EEIG1: variants seen among roughly 807,000 people sequenced by gnomAD.
EEIG1 encodes the protein early estrogen-induced gene 1 protein.
the EEIG1 span, among the ~76,000 whole-genome samples, chr9:127,965,704 CGA>C: frequency 6.6e-6 from 1 of 152,206 alleles, no homozygotes. Flanking sequence ...GGCCAGAGAG[CGA>C]GAGTCTAATA....
chr9:127,968,106 G>T, the EEIG1 span, among the ~76,000 whole-genome samples: 1 of 150,482 alleles, frequency 6.6e-6, no homozygotes, highest in Non-Finnish European at 1.5e-5. Flanking sequence ...GGCTTCCTTA[G>T]ATCTTAAACC....
At chr9:127,964,538 A>G in the EEIG1 span, among the ~76,000 whole-genome samples, 3 of 152,346 alleles carry the variant, frequency 2.0e-5, no homozygotes, top group South Asian at 2.1e-4. Flanking sequence ...TCAGAGTTGG[A>G]GCAAAAGTGC....
the EEIG1 span, chr9:127,942,036 G>C: frequency 6.6e-6 from 1 of 152,668 alleles, no homozygotes; most frequent in African/African-American, 2.4e-5. Flanking sequence ...GCTTTAGTAG[G>C]GGGCAGGGCC....
chr9:127,945,731 C>T, the EEIG1 span: 46 of 1,575,694 alleles, frequency 2.9e-5, no homozygotes, highest in Non-Finnish European at 3.7e-5. The surrounding 1 kb of genome is among the most constrained non-coding windows in gnomAD (Gnocchi z 6.5). Flanking sequence ...TGGACAGGTT[C>T]TGGTCGGGTT....
the EEIG1 span, among the ~76,000 whole-genome samples, chr9:127,960,455 G>A: frequency 2.0e-5 from 3 of 152,192 alleles, no homozygotes; most frequent in African/African-American, 4.8e-5. Context: ...GGCAGAGGCT[G>A]AGAACAGCCA....
chr9:127,966,343 C>T, the EEIG1 span, among the ~76,000 whole-genome samples: 6 of 151,774 alleles, frequency 4.0e-5, no homozygotes, highest in African/African-American at 1.2e-4. Context: ...CATGGTGGTG[C>T]GTACCTGTAA....
the EEIG1 span, among the ~76,000 whole-genome samples, chr9:127,954,986 C>T: frequency 3.3e-5 from 5 of 152,196 alleles, no homozygotes; most frequent in South Asian, 2.1e-4. Flanking sequence ...GGGGTGGCAG[C>T]GGCACGTGGC....
chr9:127,968,828 C>T, the EEIG1 span, among the ~76,000 whole-genome samples: 1 of 152,220 alleles, frequency 6.6e-6, no homozygotes, highest in African/African-American at 2.4e-5. Flanking sequence ...ATTCCAACCA[C>T]CATGGGCTAA....
At chr9:127,978,219 G>A in the EEIG1 span, among the ~76,000 whole-genome samples, 14 of 152,314 alleles carry the variant, frequency 9.2e-5, no homozygotes, top group South Asian at 2.9e-3. Flanking sequence ...GCCTGGCTGT[G>A]CAGTTCCCCT....
chr9:127,965,975 G>A, the EEIG1 span, among the ~76,000 whole-genome samples: 2 of 152,176 alleles, frequency 1.3e-5, no homozygotes, highest in African/African-American at 4.8e-5. Context: ...GCCAACACTG[G>A]AGCACTCAGA....
At chr9:127,942,967 G>A in the EEIG1 span, 6 of 589,632 alleles carry the variant, frequency 1.0e-5, no homozygotes, top group African/African-American at 7.5e-5. Flanking sequence ...TGGTTCAGAG[G>A]AGAATATTCA....
the EEIG1 span, among the ~76,000 whole-genome samples, chr9:127,962,548 C>A: frequency 6.6e-6 from 1 of 152,122 alleles, no homozygotes; most frequent in Non-Finnish European, 1.5e-5. Flanking sequence ...GCCACCAGGG[C>A]CGGCTGTGAC....
At chr9:127,953,932 GC>G in the EEIG1 span, 1 of 1,613,382 alleles carries the variant, frequency 6.2e-7, no homozygotes, top group East Asian at 2.2e-5. Flanking sequence ...CTCCCTGTGG[GC>G]CAGAGGCGAC....
the EEIG1 span, among the ~76,000 whole-genome samples, chr9:127,978,872 C>T: frequency 9.9e-5 from 15 of 152,072 alleles, no homozygotes; most frequent in East Asian, 2.7e-3. Flanking sequence ...AAAAAATTAG[C>T]TGGGTGTGGT....
chr9:127,965,106 C>CA, the EEIG1 span, among the ~76,000 whole-genome samples: 94 of 69,720 alleles, frequency 1.3e-3, 2 homozygotes, highest in African/African-American at 2.5e-3. Flanking sequence ...AAGACTGTCT[C>CA]AAAAAAAAAA....
the EEIG1 span, among the ~76,000 whole-genome samples, chr9:127,972,309 C>A: frequency 6.6e-6 from 1 of 152,204 alleles, no homozygotes. The surrounding 1 kb of genome is among the most constrained non-coding windows in gnomAD (Gnocchi z 4.3). Flanking sequence ...CTCACCCCCA[C>A]CCTGCCCCGA....
At chr9:127,944,827 A>G in the EEIG1 span, 1 of 1,612,400 alleles carries the variant, frequency 6.2e-7, no homozygotes. Context: ...GATCTTCTCC[A>G]CGATGGCATC....
the EEIG1 span, chr9:127,953,749 TG>T: frequency 6.2e-7 from 1 of 1,613,606 alleles, no homozygotes; most frequent in Non-Finnish European, 8.5e-7. Context: ...TGCGGACTCA[TG>T]AGGGGAGGGG....
the EEIG1 span, among the ~76,000 whole-genome samples, chr9:127,961,376 A>T: frequency 1.3e-5 from 2 of 152,086 alleles, no homozygotes; most frequent in East Asian, 3.9e-4. Flanking sequence ...GATGCTTGTG[A>T]TGGGAGGTGG....
Sources: gnomAD v4.1 joint callset for allele counts (sites outside exome capture counted in the v4.1 genomes callset) on GRCh38, gnomAD v4.1.1 for gene constraint, Gnocchi (gnomAD v3.1) non-coding constraint, MANE v1.5 for transcripts, NCBI Gene and HGNC (gene_info 2026-07-23, HGNC 2026-07-21) for gene names.